The following RHBDD1 variants were observed in gnomAD, a reference collection of about 807,000 sequenced individuals.
The protein encoded by RHBDD1 is rhomboid-related protein 4.
Under a neutral mutation model 36.3 loss-of-function variants are expected in RHBDD1, and 38 were observed. That is an observed-to-expected ratio of 1.05 (90% CI 0.81 to 1.37). The LOEUF is 1.37. Among genes scored for constraint, RHBDD1 ranks in the 40% most tolerant of loss-of-function variants. RHBDD1 has a pLI of 0.00. For synonymous variants in RHBDD1, 151 were observed against 136.5 expected (o/e 1.11, Z -0.74); for missense variants, 393 against 377.6 (o/e 1.04, Z -0.34).
At chr2:226,817,316 C>G in the RHBDD1 span, among the ~76,000 whole-genome samples, 14 of 152,216 alleles carry the variant, frequency 9.2e-5, no homozygotes, top group African/African-American at 3.4e-4. Flanking sequence ...TAGGGTGTTA[C>G]GGTAAATGAT....
chr2:226,985,235 C>T (rs1008820622), intron 8 of RHBDD1, among the ~76,000 whole-genome samples: 1 of 152,188 alleles, frequency 6.6e-6, no homozygotes, highest in Non-Finnish European at 1.5e-5. Flanking sequence ...AAACTATCTA[C>T]ATTCATATCC....
intron 8 of RHBDD1, among the ~76,000 whole-genome samples, chr2:226,991,745 G>T (rs1575571560): frequency 6.6e-6 from 1 of 152,196 alleles, no homozygotes; most frequent in African/African-American, 2.4e-5. Context: ...CTTGCTCAAG[G>T]TTGTGTAGCT....
intron 8 of RHBDD1, among the ~76,000 whole-genome samples, chr2:226,957,468 A>G (rs963029850): frequency 1.3e-5 from 2 of 152,178 alleles, no homozygotes; most frequent in African/African-American, 2.4e-5. Context: ...GACGCCTGCA[A>G]TCTCAGCACT....
chr2:226,924,372 G>T (rs1014177308), intron 8 of RHBDD1, among the ~76,000 whole-genome samples: 2 of 152,154 alleles, frequency 1.3e-5, no homozygotes, highest in African/African-American at 4.8e-5. Context: ...CTGTGGCTGA[G>T]CTGGTATCCA....
chr2:226,829,729 G>A, the RHBDD1 span, among the ~76,000 whole-genome samples: 1 of 152,064 alleles, frequency 6.6e-6, no homozygotes, highest in Non-Finnish European at 1.5e-5. Flanking sequence ...ATTAATTTTA[G>A]TAGTTTTATC....
chr2:226,964,233 C>G (rs772244408), intron 8 of RHBDD1, among the ~76,000 whole-genome samples: 14 of 152,228 alleles, frequency 9.2e-5, no homozygotes, highest in Non-Finnish European at 1.8e-4. Flanking sequence ...GCCTCTACTA[C>G]TACAGTCATG....
intron 3 of RHBDD1, among the ~76,000 whole-genome samples, chr2:226,862,179 A>G (rs1331043281): frequency 6.6e-6 from 1 of 152,180 alleles, no homozygotes; most frequent in African/African-American, 2.4e-5. Context: ...AAGTAAGTTT[A>G]CTTTATAGAA....
chr2:226,947,206 G>A (rs1008347314), intron 8 of RHBDD1, among the ~76,000 whole-genome samples: 3 of 151,116 alleles, frequency 2.0e-5, no homozygotes, highest in African/African-American at 7.3e-5. Flanking sequence ...GTAATGCCTA[G>A]GTTTTCTTCT....
At chr2:226,987,401 T>C (rs191283648) in intron 8 of RHBDD1, among the ~76,000 whole-genome samples, 3 of 152,240 alleles carry the variant, frequency 2.0e-5, no homozygotes, top group Admixed American at 1.3e-4. Flanking sequence ...TTGGAGGACA[T>C]TGCCAAGGAG....
At chr2:226,838,026 CTG>C (rs1491153114) in intron 1 of RHBDD1, 45 bp from the exon 2 acceptor site, 1 of 152,182 alleles carries the variant, frequency 6.6e-6, no homozygotes, top group Admixed American at 6.5e-5. Flanking sequence ...CCTCAACCTG[CTG>C]TGTTTTTTAG....
intron 5 of RHBDD1, chr2:226,869,007 A>G: frequency 1.0e-5 from 2 of 196,556 alleles, no homozygotes; most frequent in Non-Finnish European, 1.8e-5. Context: ...GTGACTGGCA[A>G]CACCCACATT....
intron 8 of RHBDD1, among the ~76,000 whole-genome samples, chr2:226,981,744 C>T (rs1427620262): frequency 1.3e-5 from 2 of 152,204 alleles, no homozygotes; most frequent in Non-Finnish European, 2.9e-5. Flanking sequence ...ACTTCTCAGA[C>T]AGTTTTTCAC....
At chr2:226,947,155 T>G (rs917988506) in intron 8 of RHBDD1, among the ~76,000 whole-genome samples, 1 of 151,538 alleles carries the variant, frequency 6.6e-6, no homozygotes, top group Non-Finnish European at 1.5e-5. Context: ...GCTTTTGGTG[T>G]TTTGGACATG....
chr2:226,975,276 TACACACACAAAC>T (rs1418746297), intron 8 of RHBDD1, among the ~76,000 whole-genome samples: 1 of 152,062 alleles, frequency 6.6e-6, no homozygotes, highest in Non-Finnish European at 1.5e-5. Context: ...CTCATTTCAC[TACACACACAAAC>T]ACACACACAC....
chr2:226,876,354 C>T (rs996343239), intron 5 of RHBDD1, among the ~76,000 whole-genome samples: 2 of 151,882 alleles, frequency 1.3e-5, no homozygotes, highest in African/African-American at 2.4e-5. Context: ...AAAGAGCAGC[C>T]TCACGGGAGA....
chr2:226,970,730 A>G (rs1232768369), intron 8 of RHBDD1, among the ~76,000 whole-genome samples: 2 of 152,212 alleles, frequency 1.3e-5, no homozygotes, highest in African/African-American at 2.4e-5. Flanking sequence ...GATTCTCAAA[A>G]CTGCCTTGAG....
chr2:226,864,849 C>T lies in RHBDD1; in HGVS notation c.156C>T (p.Ser52=). 2 of 1,614,228 alleles carry T rather than the reference C, an allele frequency of 1.2e-6. No homozygotes were observed. Among genetic ancestry groups the T allele is most frequent in the Non-Finnish European group, 1.7e-6 (2 of 1,180,042 alleles). The change falls in exon 4 of 9, where the codon TCC becomes TCT. Residue 52 remains serine, a synonymous_variant. Transcript: ENST00000392062. ...FLNPQKPLYS[S]CLSVEKCYQQ... The stretch of plus-strand genomic sequence containing the variant: ...ACCCTCAGAAGCCACTGTATAGCTC[C>T]TGCCTTAGTGTGGAGAAGTGTTACC...
intron 5 of RHBDD1, among the ~76,000 whole-genome samples, chr2:226,902,423 T>C (rs1947674214): frequency 6.6e-6 from 1 of 152,210 alleles, no homozygotes; most frequent in East Asian, 1.9e-4. Flanking sequence ...GAGAACCACC[T>C]TCCCAGTTCA....
the RHBDD1 span, among the ~76,000 whole-genome samples, chr2:226,810,173 A>G: frequency 6.6e-6 from 1 of 152,218 alleles, no homozygotes; most frequent in Non-Finnish European, 1.5e-5. Context: ...AACTTTACTG[A>G]TAATGCAGTA....
Sources: allele counts gnomAD v4.1 joint callset (sites outside exome capture counted in the v4.1 genomes callset), GRCh38; gene constraint gnomAD v4.1.1; transcripts MANE v1.5; gene names NCBI Gene and HGNC (gene_info 2026-07-23, HGNC 2026-07-21).